Variants in CSGALNACT1 observed in about 807,000 individuals in gnomAD.
CSGALNACT1 encodes beta4GalNAcT-1.
In CSGALNACT1, 52 loss-of-function variants were observed where a neutral mutation model predicts 51.0. The ratio of observed to expected loss-of-function variants is 1.02; its 90% CI spans 0.82 to 1.29. CSGALNACT1 has a LOEUF of 1.29. CSGALNACT1 is among the 50% of genes most tolerant of loss of function. The pLI, the probability that CSGALNACT1 is intolerant of heterozygous loss-of-function variation, is 0.00. For missense variants in CSGALNACT1, 935 were observed against 679.2 expected, an observed-to-expected ratio of 1.38 and a Z score of -4.19; for synonymous variants, 341 against 254.4, an observed-to-expected ratio of 1.34 and a Z score of -3.24.
rs1458037468 is a variant in CSGALNACT1 at position 19,459,749 on chromosome 8, T to C, written c.635-1107A>G. On this transcript the variant is annotated intron_variant, in intron 4 of 9. Transcript: ENST00000454498. ...AGGTTACTGTGAGGAGTGAATGTTTTTGTATGTGAAAGAAGTTAGAACAGT... is the reference window on the plus strand; with the variant it reads ...AGGTTACTGTGAGGAGTGAATGTTTCTGTATGTGAAAGAAGTTAGAACAGT... 4.6e-5 allele frequency among the ~76,000 whole-genome samples: 7 copies of C among 152,180 alleles called. No individual in the cohort carries two copies. The East Asian group carries it at 1.3e-3, about 29-fold the overall frequency.
At chr8:19,613,107 A>G (rs1000279822) in intron 1 of CSGALNACT1, among the ~76,000 whole-genome samples, 2 of 152,100 alleles carry the variant, frequency 1.3e-5, no homozygotes, top group African/African-American at 4.8e-5. Flanking sequence ...TGTGATAACT[A>G]CTTTCACAAT....
intron 1 of CSGALNACT1, among the ~76,000 whole-genome samples, chr8:19,730,282 GAAC>G (rs1467222399): frequency 6.6e-6 from 1 of 152,168 alleles, no homozygotes; most frequent in Non-Finnish European, 1.5e-5. Context: ...GACCAAGATA[GAAC>G]AACACTCGGG....
chr8:19,560,048 T>C (rs2040357862), intron 3 of CSGALNACT1, among the ~76,000 whole-genome samples: 1 of 152,218 alleles, frequency 6.6e-6, no homozygotes, highest in South Asian at 2.1e-4. Flanking sequence ...CAAACGGCAC[T>C]GACTAGAACA....
chr8:19,686,363 C>A (rs2060977253), upstream of CSGALNACT1, among the ~76,000 whole-genome samples: 1 of 152,166 alleles, frequency 6.6e-6, no homozygotes, highest in African/African-American at 2.4e-5. Flanking sequence ...TAGGAGACAG[C>A]ATTCAGGGGG....
upstream of CSGALNACT1, among the ~76,000 whole-genome samples, chr8:19,606,902 T>C (rs2051452976): frequency 6.6e-6 from 1 of 152,182 alleles, no homozygotes; most frequent in South Asian, 2.1e-4. Context: ...ACACCTGTAA[T>C]CCCAGCACTT....
At chr8:19,404,385 T>C (rs1322538602) in exon 10 of CSGALNACT1, 2 of 453,714 alleles carry the variant, frequency 4.4e-6, no homozygotes, top group Admixed American at 4.7e-5. Context: ...TGCTGGCTAA[T>C]AATTTTCACA....
chr8:19,682,904 G>A (rs558355147), upstream of CSGALNACT1: 126 of 351,086 alleles, frequency 3.6e-4, no homozygotes, highest in South Asian at 2.6e-3. Context: ...GCAACCCCAT[G>A]ACCATATATG....
intron 3 of CSGALNACT1, among the ~76,000 whole-genome samples, chr8:19,563,802 G>A (rs868817825): frequency 1.3e-5 from 2 of 152,002 alleles, no homozygotes; most frequent in African/African-American, 2.4e-5. Flanking sequence ...AACTCCCAGC[G>A]ACTCATACAG....
intron 5 of CSGALNACT1, among the ~76,000 whole-genome samples, chr8:19,452,481 T>G (rs1359966457): frequency 6.6e-6 from 1 of 151,396 alleles, no homozygotes; most frequent in Non-Finnish European, 1.5e-5. Context: ...CTAATCACAT[T>G]TAGTCAAGAT....
chr8:19,589,016 A>T (rs2047246503), intron 3 of CSGALNACT1, among the ~76,000 whole-genome samples: 1 of 152,166 alleles, frequency 6.6e-6, no homozygotes, highest in African/African-American at 2.4e-5. Flanking sequence ...AACATCCTTT[A>T]TGTCACAGGA....
chr8:19,410,813 GAAA>G, intron 8 of CSGALNACT1, among the ~76,000 whole-genome samples: 1 of 152,198 alleles, frequency 6.6e-6, no homozygotes, highest in Non-Finnish European at 1.5e-5. Context: ...GCCCTTTGTG[GAAA>G]CTCATCTGGT....
At chr8:19,484,521 G>T (rs1215773471) in intron 4 of CSGALNACT1, among the ~76,000 whole-genome samples, 1 of 152,162 alleles carries the variant, frequency 6.6e-6, no homozygotes, top group Non-Finnish European at 1.5e-5. Flanking sequence ...CAAAGGAGAA[G>T]CAAAGGCATG....
intron 1 of CSGALNACT1, among the ~76,000 whole-genome samples, chr8:19,635,597 C>T (rs1479653207): frequency 5.9e-5 from 9 of 152,202 alleles, no homozygotes; most frequent in African/African-American, 2.2e-4. Context: ...TCACCATTCA[C>T]AGGCATTTCA....
chr8:19,520,898 C>T lies in CSGALNACT1; in HGVS notation c.-296-14768G>A, dbSNP rs10096490. ...GCCACAGCAAATCGGGGTCTCTAGT[C>T]CGGTGTTGTCTGTGCTCTTAAGCAC... On this transcript the variant is annotated intron_variant, in intron 3 of 9. Transcript: ENST00000454498. Among the ~76,000 whole-genome samples the T allele has an allele frequency of 5.9e-3, 902 of 152,302 alleles. 9 individuals are homozygous for T. The highest frequency in any genetic ancestry group is 0.02 in the African/African-American group (850 of 41,566).
At chr8:19,659,057 G>A (rs1388520726) in intron 1 of CSGALNACT1, among the ~76,000 whole-genome samples, 1 of 151,946 alleles carries the variant, frequency 6.6e-6, no homozygotes, top group Non-Finnish European at 1.5e-5. Flanking sequence ...GAAAAGGCAG[G>A]GCTCCCCCCA....
At chr8:19,678,084 C>G (rs1180350106) in intron 1 of CSGALNACT1, among the ~76,000 whole-genome samples, 7 of 151,900 alleles carry the variant, frequency 4.6e-5, no homozygotes, top group Admixed American at 4.6e-4. Flanking sequence ...CTAGCCTTGG[C>G]CACCCTGAGA....
At chr8:19,737,181 T>A (rs2064031708) in intron 1 of CSGALNACT1, among the ~76,000 whole-genome samples, 3 of 152,072 alleles carry the variant, frequency 2.0e-5, no homozygotes, top group Admixed American at 2.0e-4. Flanking sequence ...GAAGTTACTG[T>A]CAGATAAATA....
chr8:19,542,590 T>C (rs1378090795), intron 3 of CSGALNACT1, among the ~76,000 whole-genome samples: 1 of 152,148 alleles, frequency 6.6e-6, no homozygotes, highest in Non-Finnish European at 1.5e-5. Flanking sequence ...CAAGAGATGA[T>C]GATTAATTTC....
Position 19,549,284 on chromosome 8 carries a change from A to G in CSGALNACT1, c.-297+41876T>C, listed in dbSNP as rs1045581841. Among the ~76,000 whole-genome samples, 21 of 152,112 alleles carry G rather than the reference A, an allele frequency of 1.4e-4. 1 individual carries two copies. Among genetic ancestry groups the G allele is most frequent in the Non-Finnish European group, 4.4e-5 (3 of 68,024 alleles). On this transcript the variant is annotated intron_variant, in intron 3 of 9. Coordinates refer to ENST00000454498, the Ensembl canonical transcript of CSGALNACT1. The stretch of plus-strand genomic sequence containing the variant: ...ACAATAATACTATTTATATAACAGT[A>G]TTTTGTCTTAAATATTGTTCCTAAC...
Sources: gnomAD v4.1 joint callset for allele counts (sites outside exome capture counted in the v4.1 genomes callset) on GRCh38, gnomAD v4.1.1 for gene constraint, MANE v1.5 for transcripts, NCBI Gene and HGNC (gene_info 2026-07-23, HGNC 2026-07-21) for gene names.